The following CSMD3 variants were observed in gnomAD, a reference collection of about 807,000 sequenced individuals.
CSMD3 encodes the protein CUB and sushi domain-containing protein 3.
CSMD3 carries 177 observed loss-of-function variants against 435.2 expected under a neutral mutation model. The observed-to-expected ratio is 0.41, with a 90% CI of 0.36 to 0.46. The LOEUF (loss-of-function observed/expected upper bound fraction) is 0.46, where lower values mean the gene tolerates loss of function less well. Ranked by LOEUF, CSMD3 falls within the 20% of genes least tolerant of loss-of-function variation. The probability of loss-of-function intolerance (pLI) is 0.34; values close to 1 mark genes in which losing one functional copy is unlikely to be tolerated. For missense variants in CSMD3, 4,265 were observed against 4,504.6 expected (o/e 0.95, Z 1.52); for synonymous variants, 1,656 against 1,520.5 (o/e 1.09, Z -2.07).
chr8:113,046,744 A>T lies in CSMD3; in HGVS notation c.918-27565T>A, dbSNP rs547132198. Among the ~76,000 whole-genome samples, 13 of 152,294 alleles carry T rather than the reference A, an allele frequency of 8.5e-5. No homozygotes were observed. In the South Asian group the frequency reaches 2.5e-3, roughly 29 times the overall value. On this transcript the variant is annotated intron_variant, in intron 5 of 70. Coordinates refer to ENST00000297405, the MANE Select transcript of CSMD3 (RefSeq NM_198123.2). ...GACAAGATTCATAAGGGAGTCAGGG[A>T]CTTGGAGGGGCGAGGGTCTGAGCGG...
intron 45 of CSMD3, among the ~76,000 whole-genome samples, chr8:112,332,760 T>C (rs1451413542): frequency 6.6e-6 from 1 of 152,190 alleles, no homozygotes. Flanking sequence ...ATAAATGTCC[T>C]ATTTGAAAAA....
At chr8:112,647,992 A>G (rs2075028626) in intron 19 of CSMD3, among the ~76,000 whole-genome samples, 1 of 152,192 alleles carries the variant, frequency 6.6e-6, no homozygotes, top group Non-Finnish European at 1.5e-5. Context: ...ACCATACTAC[A>G]TTGTCTGGTT....
At chr8:112,237,422 G>C in intron 66 of CSMD3, 74 bp from the exon 67 acceptor site, 3 of 1,077,906 alleles carry the variant, frequency 2.8e-6, no homozygotes, top group Non-Finnish European at 4.3e-6. Flanking sequence ...TAGAGTATTA[G>C]TTTATTGAAT....
rs2131892194 is a variant in CSMD3, at chr8:113,173,907, C to T, written c.524G>A (p.Ser175Asn). 6.2e-7 allele frequency: 1 copy of T among 1,612,358 alleles called. No individual in the cohort carries two copies. ...AACACCAGGATTTCCACAAGAGCTA[C>T]TCTGCAATTCTATTAAAAAGGAGGA... ...GFKVYYEELQ[S>N]SSCGNPGVPP... The change falls in exon 4 of 71, where the codon AGT becomes AAT. Residue 175 changes from serine to asparagine, a missense_variant. Ser to Asn is a conservative substitution (Grantham distance 46, BLOSUM62 1). This residue lies in a region of CSMD3 where 731 missense variants were observed against 755.4 expected (regional missense o/e 0.97). Coordinates refer to ENST00000297405, the MANE Select transcript of CSMD3 (RefSeq NM_198123.2).
chr8:113,124,513 CATTTTTATCATGA>C (rs1250987661), intron 4 of CSMD3, among the ~76,000 whole-genome samples: 6 of 151,566 alleles, frequency 4.0e-5, no homozygotes, highest in Non-Finnish European at 8.8e-5. Context: ...CTATGGGATT[CATTTTTATCATGA>C]ATTTTTATCA....
chr8:113,162,323 C>G (rs2092057393), intron 4 of CSMD3, among the ~76,000 whole-genome samples: 1 of 151,700 alleles, frequency 6.6e-6, no homozygotes, highest in South Asian at 2.1e-4. Context: ...CGCCTGTAAT[C>G]CCAGGCGTGA....
intron 1 of CSMD3, among the ~76,000 whole-genome samples, chr8:113,364,887 A>G (rs1028175571): frequency 2.0e-5 from 3 of 152,146 alleles, no homozygotes; most frequent in African/African-American, 7.2e-5. Context: ...AAAAATTAAA[A>G]GGTTTCTGGA....
intron 12 of CSMD3, among the ~76,000 whole-genome samples, chr8:112,805,618 C>T (rs1318808983): frequency 1.3e-5 from 2 of 152,278 alleles, no homozygotes; most frequent in East Asian, 1.9e-4. Flanking sequence ...AAATTTATTG[C>T]TCCATTCACG....
chr8:112,944,951 T>C (rs1362952056), intron 9 of CSMD3, among the ~76,000 whole-genome samples: 1 of 151,684 alleles, frequency 6.6e-6, no homozygotes. Context: ...ATAATATGTA[T>C]ATATGCCTAT....
At chr8:112,421,199 C>A (rs536871270) in intron 32 of CSMD3, among the ~76,000 whole-genome samples, 133 of 151,636 alleles carry the variant, frequency 8.8e-4, no homozygotes, top group Admixed American at 1.5e-3. Context: ...AGAAGGAATT[C>A]CAAGCTTACT....
chr8:112,784,773 A>G (rs973477747), intron 13 of CSMD3, among the ~76,000 whole-genome samples: 1 of 152,040 alleles, frequency 6.6e-6, no homozygotes, highest in African/African-American at 2.4e-5. Context: ...GCCATAATAA[A>G]ATGTCTTCCA....
chr8:112,885,338 G>A (rs894881378), intron 10 of CSMD3, among the ~76,000 whole-genome samples: 1 of 145,094 alleles, frequency 6.9e-6, no homozygotes, highest in Non-Finnish European at 1.5e-5. Flanking sequence ...CATAGAGTTG[G>A]CTAAATATAT....
At chr8:112,666,214 G>C (rs934095844) in intron 17 of CSMD3, 63 bp downstream of exon 17, 1 of 1,265,626 alleles carries the variant, frequency 7.9e-7, no homozygotes, top group South Asian at 1.2e-5. Flanking sequence ...AAATGCAAAA[G>C]AGAATGTCAA....
chr8:113,010,319 G>A (rs1479810540), intron 6 of CSMD3, among the ~76,000 whole-genome samples: 1 of 151,740 alleles, frequency 6.6e-6, no homozygotes, highest in African/African-American at 2.4e-5. Context: ...AAGGGAAGGA[G>A]GAAGTGATAT....
chr8:112,272,653 A>C (rs756970249), intron 59 of CSMD3, among the ~76,000 whole-genome samples: 21 of 152,130 alleles, frequency 1.4e-4, no homozygotes, highest in Non-Finnish European at 1.2e-4. Context: ...TGATCTAGAC[A>C]ATGTGAGTCT....
At chr8:113,251,803 C>A (rs577233097) in intron 3 of CSMD3, among the ~76,000 whole-genome samples, 2 of 152,032 alleles carry the variant, frequency 1.3e-5, no homozygotes, top group Non-Finnish European at 2.9e-5. Context: ...GACCTGAATT[C>A]TCCATGATCT....
At chr8:113,354,918 C>T in intron 1 of CSMD3, among the ~76,000 whole-genome samples, 1 of 152,150 alleles carries the variant, frequency 6.6e-6, no homozygotes, top group East Asian at 1.9e-4. Flanking sequence ...GGATTACAGG[C>T]ATGAGCCACC....
chr8:113,084,304 C>T (rs1229290206), intron 5 of CSMD3, among the ~76,000 whole-genome samples: 1 of 151,876 alleles, frequency 6.6e-6, no homozygotes, highest in Admixed American at 6.6e-5. Flanking sequence ...TTTCTATTCA[C>T]TAATAGCAAA....
chr8:112,467,125 T>C (rs1204050517), intron 32 of CSMD3, among the ~76,000 whole-genome samples: 1 of 152,204 alleles, frequency 6.6e-6, no homozygotes, highest in African/African-American at 2.4e-5. Flanking sequence ...CATTTGCACA[T>C]AGTAGACTAG....
Sources: allele counts gnomAD v4.1 joint callset (sites outside exome capture counted in the v4.1 genomes callset), GRCh38; gene constraint gnomAD v4.1.1; regional missense constraint gnomAD v4.1.1; transcripts MANE v1.5; gene names NCBI Gene and HGNC (gene_info 2026-07-23, HGNC 2026-07-21).